The following CNTNAP5 variants were observed in gnomAD, a reference collection of about 807,000 sequenced individuals.
The protein encoded by CNTNAP5 is contactin-associated protein-like 5.
In CNTNAP5, 72 loss-of-function variants were observed where a neutral mutation model predicts 150.2. The observed-to-expected ratio is 0.48, with a 90% CI of 0.40 to 0.58. The LOEUF is 0.58. Among genes scored for constraint, CNTNAP5 ranks in the 20% least tolerant of loss-of-function variants. The pLI is 0.00. For missense variants in CNTNAP5, 1,636 were observed against 1,626.2 expected (o/e 1.01, Z -0.10); for synonymous variants, 672 against 619.8 (o/e 1.08, Z -1.25).
At chr2:124,617,671 C>T (rs1025881933) in intron 12 of CNTNAP5, among the ~76,000 whole-genome samples, 10 of 152,072 alleles carry the variant, frequency 6.6e-5, no homozygotes, top group East Asian at 1.9e-4. Context: ...TTCACAGGTA[C>T]GGAGGGTTAG....
At chr2:124,395,479 C>T (rs1558882125) in intron 3 of CNTNAP5, among the ~76,000 whole-genome samples, 1 of 151,984 alleles carries the variant, frequency 6.6e-6, no homozygotes, top group Admixed American at 6.6e-5. Context: ...TTTTCTACAT[C>T]CAATAAATAT....
chr2:124,317,490 C>T (rs1021928929), intron 3 of CNTNAP5, among the ~76,000 whole-genome samples: 2 of 152,104 alleles, frequency 1.3e-5, no homozygotes, highest in African/African-American at 2.4e-5. Context: ...CCCATCTAGG[C>T]CCTGTCCAAC....
At chr2:124,863,301 CA>C (rs1677563052) in intron 19 of CNTNAP5, among the ~76,000 whole-genome samples, 1 of 152,292 alleles carries the variant, frequency 6.6e-6, no homozygotes, top group Non-Finnish European at 1.5e-5. Context: ...AGCAACCCAC[CA>C]GTGCACGAGA....
intron 1 of CNTNAP5, among the ~76,000 whole-genome samples, chr2:124,059,477 C>G (rs566221828): frequency 2.6e-4 from 39 of 152,330 alleles, no homozygotes; most frequent in African/African-American, 9.4e-4. Context: ...TTTGTGTCCT[C>G]TTCTGTAATC....
In CNTNAP5 at chr2:124,914,454, A is replaced by G; in HGVS notation, c.*166A>G. 1.6e-6 allele frequency: 1 copy of G among 615,984 alleles called. No homozygotes were observed. The highest frequency in any genetic ancestry group is 2.0e-5 in the South Asian group (1 of 48,926). 38.2% of individuals were successfully genotyped at this position (615,984 alleles called of 1,614,324 possible). A position where few individuals can be genotyped will look rare whatever the true frequency, so the allele number is the denominator to read the frequency against. On this transcript the variant is annotated 3_prime_UTR_variant, in exon 24 of 24. Coordinates refer to ENST00000682447, the MANE Select transcript of CNTNAP5 (RefSeq NM_001367498.1). ...GCATCAATTCCCTTGATCCAGCCCA[A>G]GAGACCAGGCAGCCATGGCCACTGC...
chr2:124,578,333 A>G lies in CNTNAP5; in HGVS notation c.1756+15010A>G, dbSNP rs1423376783. ...GGACAAGAGCGAGACTTTGTCTCAA[A>G]AAAAAAAAAAAAAAAGATGCTGAAC... is the stretch of plus-strand genomic sequence containing the variant. On this transcript the variant is annotated intron_variant, in intron 11 of 23. Transcript: ENST00000682447. Among the ~76,000 whole-genome samples the G allele has an allele frequency of 8.6e-3, 1,289 of 149,810 alleles. 22 individuals carry two copies. The highest frequency in any genetic ancestry group is 0.03 in the African/African-American group (1,222 of 40,926).
intron 13 of CNTNAP5, among the ~76,000 whole-genome samples, chr2:124,654,841 C>T (rs560985711): frequency 2.3e-4 from 35 of 152,064 alleles, no homozygotes; most frequent in African/African-American, 8.2e-4. Flanking sequence ...CAGTGTCTAC[C>T]GTTCTTCCAC....
chr2:124,419,995 T>C (rs1284190975), intron 4 of CNTNAP5, among the ~76,000 whole-genome samples: 54 of 133,402 alleles, frequency 4.0e-4, no homozygotes, highest in South Asian at 1.0e-3. Context: ...TTTCTTTTTT[T>C]TTTTTTTTTT....
At chr2:124,052,111 A>C (rs1201375559) in intron 1 of CNTNAP5, among the ~76,000 whole-genome samples, 1 of 152,180 alleles carries the variant, frequency 6.6e-6, no homozygotes, top group Non-Finnish European at 1.5e-5. Context: ...TTATCCTCAC[A>C]TTCTGTACCT....
intron 11 of CNTNAP5, among the ~76,000 whole-genome samples, chr2:124,588,111 C>CTT (rs1696583949): frequency 1.4e-5 from 2 of 146,696 alleles, no homozygotes; most frequent in Admixed American, 6.9e-5. Context: ...TCCTTCCTTC[C>CTT]CTCCTTTTCC....
intron 7 of CNTNAP5, among the ~76,000 whole-genome samples, chr2:124,475,662 A>G (rs1446594247): frequency 1.3e-5 from 2 of 150,944 alleles, no homozygotes; most frequent in South Asian, 2.1e-4. Flanking sequence ...GTCTCTGATA[A>G]CTCTCTTTGC....
At chr2:124,908,095 G>A (rs900963594) in intron 22 of CNTNAP5, among the ~76,000 whole-genome samples, 6 of 152,030 alleles carry the variant, frequency 3.9e-5, no homozygotes, top group African/African-American at 1.2e-4. Flanking sequence ...CCATGAGGCT[G>A]GATGCAGTGG....
chr2:124,243,580 T>G (rs796599608), intron 3 of CNTNAP5, among the ~76,000 whole-genome samples: 2 of 152,180 alleles, frequency 1.3e-5, no homozygotes, highest in East Asian at 3.9e-4. Context: ...GCGTAAGTTT[T>G]CTTCATTTTC....
intron 1 of CNTNAP5, among the ~76,000 whole-genome samples, chr2:124,116,713 A>G (rs76603521): frequency 2.0e-5 from 3 of 152,172 alleles, no homozygotes; most frequent in Non-Finnish European, 2.9e-5. Flanking sequence ...GTATTTGTCT[A>G]TTAGTAATTT....
chr2:124,819,984 C>T (rs916956294), intron 19 of CNTNAP5, among the ~76,000 whole-genome samples: 3 of 152,134 alleles, frequency 2.0e-5, no homozygotes, highest in Non-Finnish European at 4.4e-5. Flanking sequence ...CAACTTAAGG[C>T]TCTAGAGCCA....
chr2:124,056,671 A>G (rs1051695223), intron 1 of CNTNAP5, among the ~76,000 whole-genome samples: 2 of 152,020 alleles, frequency 1.3e-5, no homozygotes, highest in Non-Finnish European at 2.9e-5. Flanking sequence ...AACAACAACA[A>G]CAACAAAAAC....
chr2:124,258,102 G>T (rs1290732028), intron 3 of CNTNAP5, among the ~76,000 whole-genome samples: 2 of 152,066 alleles, frequency 1.3e-5, no homozygotes, highest in Non-Finnish European at 1.5e-5. Flanking sequence ...AAATGCCCTG[G>T]CATGACATAA....
intron 22 of CNTNAP5, 136 bp downstream of exon 22, chr2:124,903,236 T>A: frequency 1.9e-6 from 1 of 540,204 alleles, no homozygotes; most frequent in Non-Finnish European, 3.3e-6. Context: ...CTAAAAATTA[T>A]GACTGATATT....
At chr2:124,250,821 A>T (rs113501406) in intron 3 of CNTNAP5, among the ~76,000 whole-genome samples, 2,046 of 152,108 alleles carry the variant, frequency 0.013, 43 homozygotes, top group African/African-American at 0.045. Flanking sequence ...AAGTTGAAAA[A>T]AAAAAAGCAG....
Sources: gnomAD v4.1 joint callset for allele counts (sites outside exome capture counted in the v4.1 genomes callset) on GRCh38, gnomAD v4.1.1 for gene constraint, MANE v1.5 for transcripts, NCBI Gene and HGNC (gene_info 2026-07-23, HGNC 2026-07-21) for gene names.